The following TTN variants were observed in gnomAD, a reference collection of about 807,000 sequenced individuals.
The protein encoded by TTN is connectin.
Under a neutral mutation model 3,223.0 loss-of-function variants are expected in TTN, and 1,525 were observed. That is an observed-to-expected ratio of 0.47 (90% confidence interval 0.45 to 0.49). TTN has a LOEUF of 0.49. Among genes scored for constraint, TTN ranks in the 20% least tolerant of loss-of-function variants. The pLI is 0.00. For synonymous variants in TTN, 14,094 were observed against 15,161.0 expected (o/e 0.93, Z 5.17); for missense variants, 40,786 against 43,424.0 (o/e 0.94, Z 5.40).
At position 178,617,397 on chromosome 2, in the gene TTN, A is replaced by G; in HGVS notation, c.47688T>C (p.Ile15896=). The part of the protein sequence containing the change: ...DGGSPILGYI[I]ERCEEGKDNW... ...TATCTTTTCCTTCTTCGCATCGCTC[A>G]ATTATATAGCCTAATATTGGGCTTC... The change falls in exon 254 of 363, where the codon ATT becomes ATC. Residue 15896 remains isoleucine, a synonymous_variant. Coordinates refer to ENST00000589042, the MANE Select transcript of TTN (RefSeq NM_001267550.2). 1.9e-6 allele frequency: 3 copies of G among 1,591,338 alleles called. No individual in the cohort carries two copies. Among genetic ancestry groups the G allele is most frequent in the Non-Finnish European group, 2.6e-6 (3 of 1,171,586 alleles).
rs1484613250 is a variant in TTN, at chr2:178,718,702, A to G, written c.24498T>C (p.Phe8166=). The G allele has an allele frequency of 6.2e-7, 1 of 1,613,084 alleles. No homozygotes were observed. The highest frequency in any genetic ancestry group is 2.2e-5 in the East Asian group (1 of 44,848). ...TTGGGGGAAAGAGCAAACCTTTCAC[A>G]AAAAGATGTGTGGTACAGGAAGCAC... ...AGSASCTTHL[F]VKEPATFVKR... Residue 8166 remains phenylalanine (F), a synonymous_variant, in exon 84 of 363, where the codon TTT becomes TTC. Coordinates refer to ENST00000589042, the MANE Select transcript of TTN (RefSeq NM_001267550.2).
Position 178,584,665 on chromosome 2 carries a change from A to T in TTN, c.64972+4T>A. On this transcript the variant is annotated splice_donor_region_variant and intron_variant, in intron 310 of 362. Transcript: ENST00000589042. Reference sequence around the variant, plus strand: ...AACTTTTTTTCTCCTTCACAAAAACATACCAAATGGGAACTGCGCAACCAT... The same window carrying T: ...AACTTTTTTTCTCCTTCACAAAAACTTACCAAATGGGAACTGCGCAACCAT... The T allele has an allele frequency of 6.2e-7, 1 of 1,612,292 alleles. No homozygotes were observed. Among genetic ancestry groups the T allele is most frequent in the Non-Finnish European group, 8.5e-7 (1 of 1,179,338 alleles).
chr2:178,750,164 G>C, intron 47 of TTN: 1 of 1,613,142 alleles, frequency 6.2e-7, no homozygotes, highest in Non-Finnish European at 8.5e-7. Context: ...ATGAAGATTT[G>C]TTTGGCCCTC....
intron 330 of TTN, chr2:178,556,468 A>AAC (rs1701553790): frequency 1.8e-5 from 4 of 222,664 alleles, no homozygotes; most frequent in South Asian, 1.5e-4. Flanking sequence ...AAAAAAAAAA[A>AAC]CCAAAAAATG....
intron 257 of TTN, among the ~76,000 whole-genome samples, chr2:178,616,227 T>A (rs1365220073): frequency 1.3e-5 from 2 of 151,846 alleles, no homozygotes; most frequent in African/African-American, 4.8e-5. Context: ...AGGTACCAAG[T>A]CAGTAGGGAA....
chr2:178,581,122 C>A (rs931632939), intron 316 of TTN, among the ~76,000 whole-genome samples: 11 of 151,982 alleles, frequency 7.2e-5, no homozygotes, highest in African/African-American at 2.7e-4. Context: ...GAGAGCCCAC[C>A]AGTCACATAC....
rs1389584024 is a variant in TTN at position 178,597,728 on chromosome 2, T to C, written c.57354A>G (p.Gly19118=). 1 of 1,613,190 alleles carries C rather than the reference T, an allele frequency of 6.2e-7. No individual in the cohort carries two copies. Among genetic ancestry groups the C allele is most frequent in the Non-Finnish European group, 8.5e-7 (1 of 1,179,560 alleles). Residue 19118 remains glycine (G), a synonymous_variant, in exon 294 of 363, where the codon GGA becomes GGG. Coordinates refer to ENST00000589042, the MANE Select transcript of TTN (RefSeq NM_001267550.2). The part of the protein sequence containing the change: ...GVIRIIAYVS[G]KPPPTVTWNM... ...TCCAGGTGACGGTTGGAGGAGGCTT[T>C]CCAGACACATAGGCAATGATTCGGA...
chr2:178,598,660 A>G lies in TTN; in HGVS notation c.56963-6T>C. Reference sequence around the variant, plus strand: ...AAATGGAGGACCAGGAGGGGCTGCAAAGAGCCAGTATACGTTAGTATTCTT... The same window carrying G: ...AAATGGAGGACCAGGAGGGGCTGCAGAGAGCCAGTATACGTTAGTATTCTT... On this transcript the variant is annotated splice_region_variant and splice_polypyrimidine_tract_variant and intron_variant, in intron 291 of 362. Coordinates refer to ENST00000589042, the MANE Select transcript of TTN (RefSeq NM_001267550.2). The G allele has an allele frequency of 6.2e-7, 1 of 1,601,366 alleles. No individual in the cohort carries two copies. The highest frequency in any genetic ancestry group is 8.5e-7 in the Non-Finnish European group (1 of 1,176,578).
At chr2:178,681,225 G>C in intron 137 of TTN, 54 bp from the exon 138 acceptor site, 2 of 1,503,972 alleles carry the variant, frequency 1.3e-6, no homozygotes, top group Non-Finnish European at 1.8e-6. Flanking sequence ...TGAATACTAT[G>C]TAATAAATAC....
At position 178,567,811 on chromosome 2, in the gene TTN, T is replaced by C; in HGVS notation, c.78321A>G (p.Leu26107=). 6.2e-7 allele frequency: 1 copy of C among 1,613,574 alleles called. No homozygotes were observed. The highest frequency in any genetic ancestry group is 8.5e-7 in the Non-Finnish European group (1 of 1,179,614). The change falls in exon 326 of 363, where the codon TTA becomes TTG. Residue 26107 remains leucine (L), a synonymous_variant. Transcript: ENST00000589042. ...PIMVKRNEIT[L]QWTKPVYDGG... ...CATCATACACAGGTTTGGTCCACTG[T>C]AAAGTGATTTCATTTCTTTTAACCA... is the stretch of plus-strand genomic sequence containing the variant.
chr2:178,548,850 C>T lies in TTN; in HGVS notation c.92776G>A (p.Asp30926Asn). The change falls in exon 339 of 363, where the codon GAC (aspartate) becomes AAC (asparagine). Residue 30926 changes from aspartate (D) to asparagine (N), a missense_variant. Asp to Asn is a conservative substitution (Grantham distance 23). Coordinates refer to ENST00000589042, the MANE Select transcript of TTN (RefSeq NM_001267550.2). This position sits in a 1 kb window ranked among gnomAD's most constrained non-coding sequence, Gnocchi z 4.3. ...GTCTGTTTGAAGTTTGCATCTATGT[C>T]TAACTCAGGAGCTGTTAACCGGTCA... ...AVDRLTAPEL[D>N]IDANFKQTHV... The T allele has an allele frequency of 6.2e-7, 1 of 1,613,478 alleles. No individual in the cohort carries two copies. The highest frequency in any genetic ancestry group is 2.2e-5 in the East Asian group (1 of 44,844).
intron 217 of TTN, 27 bp downstream of exon 217, chr2:178,645,893 T>C (rs1438460023): frequency 1.4e-6 from 2 of 1,440,272 alleles, no homozygotes; most frequent in Non-Finnish European, 1.9e-6. Flanking sequence ...AGCAGGCTAA[T>C]AAAACTTTGG....
At chr2:178,754,565 C>T (rs1362701896) in intron 46 of TTN, among the ~76,000 whole-genome samples, 1 of 152,134 alleles carries the variant, frequency 6.6e-6, no homozygotes, top group African/African-American at 2.4e-5. Context: ...AAGAGATCTA[C>T]ATTTCTCCCA....
Position 178,565,813 on chromosome 2 carries a change from A to T in TTN, c.80319T>A (p.Asp26773Glu), listed in dbSNP as rs1036715959. 1 of 1,613,696 alleles carries T rather than the reference A, an allele frequency of 6.2e-7. No individual in the cohort carries two copies. Among genetic ancestry groups the T allele is most frequent in the Non-Finnish European group, 8.5e-7 (1 of 1,179,670 alleles). The change falls in exon 326 of 363, where the codon GAT becomes GAA. Residue 26773 changes from aspartate (D) to glutamate (E), a missense_variant. By Grantham distance (45) the Asp-to-Glu change is conservative. Coordinates refer to ENST00000589042, the MANE Select transcript of TTN (RefSeq NM_001267550.2). ...AAGGAGGTTCAGCAGCTTTCACGGC[A>T]TCAACAGTTTCCACTGGAACACCAA... ...FGVGVPVETVDAVKAAEPPSP... is the reference protein window; with the variant it reads ...FGVGVPVETVEAVKAAEPPSP...
At position 178,777,925 on chromosome 2, in the gene TTN, G is replaced by T. The variant is rs1216051269; in HGVS notation, c.4259C>A (p.Ala1420Glu). Residue 1420 changes from alanine (A) to glutamate (E), a missense_variant, in exon 25 of 363, where the codon GCA (alanine) becomes GAA (glutamate). Ala to Glu is a moderately radical substitution (Grantham distance 107, BLOSUM62 -1). Transcript: ENST00000589042. ...VSRSPIRMSP[A>E]RMSPARMSPA... Reference sequence around the variant, plus strand: ...AGACATCCTTGCAGGTGACATCCGTGCAGGAGACATGCGTATAGGAGACCT... The same window carrying T: ...AGACATCCTTGCAGGTGACATCCGTTCAGGAGACATGCGTATAGGAGACCT... 1 of 1,613,984 alleles carries T rather than the reference G, an allele frequency of 6.2e-7. No homozygotes were observed. Among genetic ancestry groups the T allele is most frequent in the South Asian group, 1.1e-5 (1 of 91,084 alleles).
Position 178,569,124 on chromosome 2 carries a change from T to C in TTN, c.77008A>G (p.Ser25670Gly). 4 of 1,613,518 alleles carry C rather than the reference T, an allele frequency of 2.5e-6. No individual in the cohort carries two copies. The highest frequency in any genetic ancestry group is 1.3e-5 in the African/African-American group (1 of 75,016). The change falls in exon 326 of 363, where the codon AGT becomes GGT. Residue 25670 changes from serine (S) to glycine (G), a missense_variant. Ser to Gly is a moderately conservative substitution (Grantham distance 56). Transcript: ENST00000589042. ...WKIDQLQEGC[S>G]YYFRVTAENE... is the part of the protein sequence containing the mutation. ...TCAGCTGTGACTCTAAAGTAATAACTGCAACCTTCTTGGAGCTGATCGATT... is the reference window on the plus strand; with the variant it reads ...TCAGCTGTGACTCTAAAGTAATAACCGCAACCTTCTTGGAGCTGATCGATT...
chr2:178,679,540 G>A (rs369556876), intron 141 of TTN, 59 bp downstream of exon 141: 1 of 1,587,410 alleles, frequency 6.3e-7, no homozygotes, highest in Non-Finnish European at 8.6e-7. Context: ...TCAGAAGAAA[G>A]TTAACTATTT....
Position 178,789,839 on chromosome 2 carries a change from C to CT in TTN, c.1938+138dup, listed in dbSNP as rs1169272437. The CT allele has an allele frequency of 6.7e-6, 7 of 1,041,234 alleles. No homozygotes were observed. In the African/African-American group the frequency reaches 1.1e-4, roughly 17 times the overall value. The allele number at this position is 1,041,234 out of a possible 1,614,324, so 64.5% of individuals were successfully genotyped here. ...GCAGATAAAATTAATGATAATCAGTCTCATATTTACCATTTTGTTTTTAGT... is the reference window on the plus strand; with the variant it reads ...GCAGATAAAATTAATGATAATCAGTCTTCATATTTACCATTTTGTTTTTAGT... On this transcript the variant is annotated intron_variant, in intron 12 of 362. Transcript: ENST00000589042.
At position 178,759,155 on chromosome 2, in the gene TTN, A is replaced by G. The variant is rs2088238170; in HGVS notation, c.10132T>C (p.Tyr3378His). 6.2e-7 allele frequency: 1 copy of G among 1,613,908 alleles called. No homozygotes were observed. The highest frequency in any genetic ancestry group is 1.7e-5 in the Admixed American group (1 of 59,988). ...GGCTTGATTTTCTTGTCTTTGCTGT[A>G]CCACGACACTTTTAGATCTGCGACA... ...VSGTDLKVSWYSKDKKIKPSR... is the reference protein window; with the variant it reads ...VSGTDLKVSWHSKDKKIKPSR... Residue 3378 changes from tyrosine (Y) to histidine (H), a missense_variant, in exon 44 of 363, where the codon TAC (tyrosine) becomes CAC (histidine). By Grantham distance (83) the Tyr-to-His change is moderately conservative. Transcript: ENST00000589042.
Sources: gnomAD v4.1 joint callset for allele counts (sites outside exome capture counted in the v4.1 genomes callset) on GRCh38, gnomAD v4.1.1 for gene constraint, Gnocchi (gnomAD v3.1) non-coding constraint, MANE v1.5 for transcripts, NCBI Gene and HGNC (gene_info 2026-07-23, HGNC 2026-07-21) for gene names.